Variants in KCNIP3 observed in about 807,000 individuals in gnomAD.
KCNIP3 encodes potassium voltage-gated channel interacting protein 3.
A neutral mutation model predicts 35.0 loss-of-function variants in KCNIP3; 28 were observed. That is an observed-to-expected ratio of 0.80 (90% CI 0.59 to 1.10). KCNIP3 has a LOEUF of 1.10. KCNIP3 is among the 50% of genes least tolerant of loss of function. The pLI, the probability that KCNIP3 is intolerant of heterozygous loss-of-function variation, is 0.00. For missense variants in KCNIP3, 295 were observed against 338.4 expected, an observed-to-expected ratio of 0.87 and a Z score of 1.01; for synonymous variants, 134 against 133.8, an observed-to-expected ratio of 1.00 and a Z score of -0.01.
intron 5 of KCNIP3, among the ~76,000 whole-genome samples, chr2:95,380,509 C>G (rs1680310137): frequency 6.6e-6 from 1 of 152,212 alleles, no homozygotes; most frequent in Non-Finnish European, 1.5e-5. Flanking sequence ...TTCAGAGTAG[C>G]CTGGGAGGAC....
chr2:95,357,606 C>T (rs936645332), intron 2 of KCNIP3, among the ~76,000 whole-genome samples: 2 of 152,162 alleles, frequency 1.3e-5, no homozygotes, highest in African/African-American at 4.8e-5. Context: ...AGTGCTCAGT[C>T]ACTAAGGAGG....
At chr2:95,302,169 C>T (rs1240682961) in intron 1 of KCNIP3, among the ~76,000 whole-genome samples, 2 of 151,824 alleles carry the variant, frequency 1.3e-5, no homozygotes, top group African/African-American at 4.8e-5. Flanking sequence ...CAGTCTGCAC[C>T]GCAGCAGCCG....
chr2:95,357,749 A>G (rs1041308623), intron 2 of KCNIP3, among the ~76,000 whole-genome samples: 11 of 152,176 alleles, frequency 7.2e-5, no homozygotes, highest in African/African-American at 2.7e-4. Context: ...GAAGGCCATG[A>G]GTGTTCCCCT....
In KCNIP3 at chr2:95,374,858, C is replaced by G; in HGVS notation, c.317C>G (p.Thr106Arg). The G allele has an allele frequency of 6.2e-7, 1 of 1,613,766 alleles. No individual in the cohort carries two copies. Among genetic ancestry groups the G allele is most frequent in the Non-Finnish European group, 8.5e-7 (1 of 1,179,980 alleles). The change falls in exon 4 of 9, where the codon ACG (threonine) becomes AGG (arginine). Residue 106 changes from threonine to arginine, a missense_variant. Coordinates refer to ENST00000295225, the MANE Select transcript of KCNIP3 (RefSeq NM_013434.5). The part of the protein sequence containing the change: ...LYRGFKNECP[T>R]GLVDEDTFKL... ...GCCTTCCTGCTGCAGGAGTGTCCCA[C>G]GGGCCTGGTGGACGAAGACACCTTC...
intron 2 of KCNIP3, chr2:95,311,874 G>A (rs1035992942): frequency 8.5e-5 from 13 of 152,234 alleles, no homozygotes; most frequent in Non-Finnish European, 1.5e-4. Flanking sequence ...CTCGGGGATG[G>A]GGGTGGCAGG....
chr2:95,308,448 A>T (rs1281420106), intron 1 of KCNIP3, among the ~76,000 whole-genome samples: 2 of 152,192 alleles, frequency 1.3e-5, no homozygotes, highest in African/African-American at 4.8e-5. Context: ...TGCCTAGGGG[A>T]CCACTTCATC....
At chr2:95,299,401 GTT>G in intron 1 of KCNIP3, among the ~76,000 whole-genome samples, 1 of 152,196 alleles carries the variant, frequency 6.6e-6, no homozygotes, top group African/African-American at 2.4e-5. Flanking sequence ...GTTGGGAGGT[GTT>G]CTGACTCCTC....
intron 2 of KCNIP3, chr2:95,347,256 G>A: frequency 2.7e-6 from 2 of 728,478 alleles, no homozygotes; most frequent in Non-Finnish European, 4.5e-6. Flanking sequence ...TCCCGGCTCC[G>A]GAGGGTTGGG....
At chr2:95,328,216 T>TC (rs1431011352) in intron 2 of KCNIP3, among the ~76,000 whole-genome samples, 1 of 151,168 alleles carries the variant, frequency 6.6e-6, no homozygotes, top group Non-Finnish European at 1.5e-5. Context: ...TGGCACACTC[T>TC]CCCCCCTCCC....
Position 95,385,396 on chromosome 2 carries a change from G to C in KCNIP3, c.*1347G>C. ...GCCCAAAGCTGGAGCCAATGGTGAG[G>C]GCTGAGAGGGCTGTGGCTGGGTGGT... On this transcript the variant is annotated 3_prime_UTR_variant, in exon 9 of 9. Transcript: ENST00000295225. 6.5e-6 allele frequency: 1 copy of C among 153,048 alleles called. No homozygotes were observed. 9.5% of individuals were successfully genotyped at this position (153,048 alleles called of 1,614,324 possible).
In KCNIP3 at chr2:95,382,300, T is replaced by G; in HGVS notation, c.556-77T>G. ...CTGCCTTGGAGGTGCCCTGCACCCT[T>G]GGATGCCGCCCGCTCCCTTTGGGCC... On this transcript the variant is annotated intron_variant, in intron 6 of 8. Coordinates refer to ENST00000295225, the MANE Select transcript of KCNIP3 (RefSeq NM_013434.5). This position sits in a 1 kb window ranked among gnomAD's most constrained non-coding sequence, Gnocchi z 4.5. 1.1e-6 allele frequency: 1 copy of G among 920,618 alleles called. No homozygotes were observed. The allele number at this position is 920,618 out of a possible 1,614,324, so 57.0% of individuals were successfully genotyped here.
intron 2 of KCNIP3, chr2:95,346,974 C>T: frequency 6.8e-7 from 1 of 1,464,564 alleles, no homozygotes; most frequent in Non-Finnish European, 9.3e-7. Flanking sequence ...AGCGCGTGGG[C>T]GAGGGGTGCG....
chr2:95,380,006 C>T (rs1680298342), intron 5 of KCNIP3, among the ~76,000 whole-genome samples: 6 of 152,200 alleles, frequency 3.9e-5, no homozygotes, highest in Admixed American at 3.9e-4. Flanking sequence ...TACCCACTTT[C>T]CTCTGTTTTC....
intron 2 of KCNIP3, among the ~76,000 whole-genome samples, chr2:95,348,600 T>C (rs1259215647): frequency 7.2e-5 from 11 of 152,186 alleles, no homozygotes; most frequent in Admixed American, 2.6e-4. Flanking sequence ...TCACCCACAG[T>C]CGGGGGCAGT....
chr2:95,346,937 C>A, intron 2 of KCNIP3: 2 of 877,950 alleles, frequency 2.3e-6, no homozygotes, highest in African/African-American at 1.8e-5. Context: ...GCCGTGCGGG[C>A]TGCAGGGGCC....
rs1244118816 is a variant in KCNIP3, at chr2:95,324,741, T to C, written c.181+14221T>C. Among the ~76,000 whole-genome samples the C allele has an allele frequency of 2.6e-5, 4 of 151,564 alleles. No individual in the cohort carries two copies. In the East Asian group the frequency reaches 5.9e-4, roughly 22 times the overall value. On this transcript the variant is annotated intron_variant, in intron 2 of 8. Transcript: ENST00000295225. ...GCCTGGCCAATATGGTGAAACCCCG[T>C]CTCTACTAAAAACACAAAAGTTAGC...
intron 1 of KCNIP3, among the ~76,000 whole-genome samples, chr2:95,301,875 T>C (rs116833964): frequency 0.053 from 8,037 of 151,912 alleles, 289 homozygotes; most frequent in Middle Eastern, 0.099. Context: ...TGTGTGTGTG[T>C]GCGCGCTCAT....
chr2:95,366,266 T>A (rs1679915560), intron 2 of KCNIP3, among the ~76,000 whole-genome samples: 1 of 152,200 alleles, frequency 6.6e-6, no homozygotes, highest in South Asian at 2.1e-4. Flanking sequence ...TCCTTTTATC[T>A]TTTCCAGACT....
intron 2 of KCNIP3, among the ~76,000 whole-genome samples, chr2:95,349,550 T>A (rs1679459932): frequency 6.6e-6 from 1 of 152,176 alleles, no homozygotes; most frequent in Non-Finnish European, 1.5e-5. Context: ...CCTCAGTCAC[T>A]TTTCCTGAGC....
Sources: allele counts gnomAD v4.1 joint callset (sites outside exome capture counted in the v4.1 genomes callset), GRCh38; gene constraint gnomAD v4.1.1; non-coding constraint Gnocchi (gnomAD v3.1); transcripts MANE v1.5; gene names NCBI Gene and HGNC (gene_info 2026-07-23, HGNC 2026-07-21).